Variants in SPOPL observed in about 807,000 individuals in gnomAD.
SPOPL encodes the protein speckle type BTB/POZ protein like.
SPOPL carries 23 observed loss-of-function variants against 53.8 expected under a neutral mutation model. The observed-to-expected ratio is 0.43, with a 90% CI of 0.31 to 0.61. The LOEUF is 0.61. SPOPL is among the 20% of genes least tolerant of loss of function. The pLI is 0.12. For synonymous variants in SPOPL, 164 were observed against 149.7 expected, an observed-to-expected ratio of 1.10 and a Z score of -0.70; for missense variants, 442 against 466.9, an observed-to-expected ratio of 0.95 and a Z score of 0.49.
chr2:138,506,081 G>A (rs906855050), intron 1 of SPOPL, among the ~76,000 whole-genome samples: 2 of 152,180 alleles, frequency 1.3e-5, no homozygotes, highest in Admixed American at 1.3e-4. Flanking sequence ...GAAGCCACCA[G>A]AGAATGTTAA....
chr2:138,525,521 A>G (rs1441159758), intron 1 of SPOPL, among the ~76,000 whole-genome samples: 1 of 152,008 alleles, frequency 6.6e-6, no homozygotes, highest in African/African-American at 2.4e-5. Flanking sequence ...GTGCTTTTTT[A>G]AAAATAGAAG....
chr2:138,515,815 T>C (rs1013755300), intron 1 of SPOPL, among the ~76,000 whole-genome samples: 2 of 152,196 alleles, frequency 1.3e-5, no homozygotes, highest in Non-Finnish European at 1.5e-5. Context: ...TGCCTAACTT[T>C]TTACAGCTAT....
chr2:138,539,111 G>A (rs1267158114), intron 1 of SPOPL, among the ~76,000 whole-genome samples: 8 of 152,188 alleles, frequency 5.3e-5, no homozygotes, highest in African/African-American at 1.7e-4. Flanking sequence ...AGTATTCCAT[G>A]TTGTATATGT....
At chr2:138,547,968 G>T (rs77096546) in intron 1 of SPOPL, among the ~76,000 whole-genome samples, 1,659 of 152,182 alleles carry the variant, frequency 0.011, 34 homozygotes, top group African/African-American at 0.038. Flanking sequence ...TGTATTAATA[G>T]TGCAGAAATA....
intron 1 of SPOPL, among the ~76,000 whole-genome samples, chr2:138,527,345 T>A (rs1684698261): frequency 6.6e-6 from 1 of 152,178 alleles, no homozygotes; most frequent in Admixed American, 6.5e-5. Flanking sequence ...ACCTGTCAGA[T>A]CAATACTGGA....
At chr2:138,526,019 C>T (rs2104868610) in intron 1 of SPOPL, among the ~76,000 whole-genome samples, 1 of 152,192 alleles carries the variant, frequency 6.6e-6, no homozygotes, top group East Asian at 1.9e-4. Context: ...ACCCATGTTT[C>T]TGAATCATAG....
At chr2:138,558,109 C>T (rs904340416) in intron 5 of SPOPL, among the ~76,000 whole-genome samples, 1 of 151,874 alleles carries the variant, frequency 6.6e-6, no homozygotes, top group African/African-American at 2.4e-5. Context: ...TGCAGTGAGC[C>T]GAGATCACTC....
At chr2:138,508,899 AC>A (rs562689814) in intron 1 of SPOPL, among the ~76,000 whole-genome samples, 2 of 152,180 alleles carry the variant, frequency 1.3e-5, no homozygotes, top group South Asian at 4.2e-4. Context: ...TATGGCTCTT[AC>A]AGGTACCCTT....
chr2:138,513,708 C>G (rs1340172652), intron 1 of SPOPL, among the ~76,000 whole-genome samples: 3 of 148,572 alleles, frequency 2.0e-5, no homozygotes, highest in Non-Finnish European at 4.4e-5. Flanking sequence ...TCACTGCGCT[C>G]CAGCCTAGGA....
At chr2:138,506,640 C>T (rs531280715) in intron 1 of SPOPL, among the ~76,000 whole-genome samples, 3 of 151,964 alleles carry the variant, frequency 2.0e-5, no homozygotes, top group Non-Finnish European at 2.9e-5. Flanking sequence ...GGGGGAGGAG[C>T]AGTTTTTTAT....
At chr2:138,556,952 C>T (rs34724499) in intron 5 of SPOPL, among the ~76,000 whole-genome samples, 2 of 151,878 alleles carry the variant, frequency 1.3e-5, no homozygotes, top group Admixed American at 6.6e-5. Context: ...GTCAAGAGAT[C>T]GAGACCATCC....
intron 1 of SPOPL, among the ~76,000 whole-genome samples, chr2:138,514,631 G>T (rs1377681788): frequency 6.6e-6 from 1 of 152,232 alleles, no homozygotes; most frequent in East Asian, 1.9e-4. Context: ...CCAGTTTGGG[G>T]CCGTCATGAA....
chr2:138,524,123 GTTCCCAAACTTCAATTCTTGAC>G (rs1684617780), intron 1 of SPOPL, among the ~76,000 whole-genome samples: 1 of 152,214 alleles, frequency 6.6e-6, no homozygotes, highest in East Asian at 1.9e-4. Flanking sequence ...CTAAGCAGAG[GTTCCCAAACTTCAATTCTTGAC>G]TTCTGTGCAC....
intron 1 of SPOPL, among the ~76,000 whole-genome samples, chr2:138,513,553 A>T (rs1684374341): frequency 6.6e-6 from 1 of 152,066 alleles, no homozygotes; most frequent in African/African-American, 2.4e-5. Flanking sequence ...CCATCTTAAA[A>T]AAATGATAAA....
chr2:138,508,266 A>T (rs1473705828), intron 1 of SPOPL, among the ~76,000 whole-genome samples: 2 of 152,244 alleles, frequency 1.3e-5, no homozygotes, highest in African/African-American at 4.8e-5. Context: ...TGGCAAGGGC[A>T]GGGTCTCATA....
At chr2:138,556,805 G>A (rs1388860926) in intron 5 of SPOPL, among the ~76,000 whole-genome samples, 1 of 152,114 alleles carries the variant, frequency 6.6e-6, no homozygotes, top group Non-Finnish European at 1.5e-5. Flanking sequence ...GGTCATAATT[G>A]TGTTAATTTT....
In SPOPL at chr2:138,541,947, C is replaced by T. The variant is rs569742986; in HGVS notation, c.-60-8210C>T. On this transcript the variant is annotated intron_variant, in intron 1 of 10. Transcript: ENST00000280098. ...TTCTGGTATGTTGTGTCTTTGTTCT[C>T]GTTGGTTTCAAAGAACATCCTTATT... 6.4e-4 allele frequency among the ~76,000 whole-genome samples: 97 copies of T among 152,126 alleles called. 3 individuals are homozygous for T. The South Asian group carries it at 0.019, about 29-fold the overall frequency.
chr2:138,535,539 A>G (rs1213039938), intron 1 of SPOPL, among the ~76,000 whole-genome samples: 1 of 131,492 alleles, frequency 7.6e-6, no homozygotes. Context: ...TTTTTTTTTA[A>G]TAGCCATTCT....
At chr2:138,539,791 T>A (rs1685026314) in intron 1 of SPOPL, among the ~76,000 whole-genome samples, 1 of 152,254 alleles carries the variant, frequency 6.6e-6, no homozygotes, top group African/African-American at 2.4e-5. Flanking sequence ...TTGTTGCCAT[T>A]GCTTTTGGTG....
Sources: allele counts gnomAD v4.1 joint callset (sites outside exome capture counted in the v4.1 genomes callset), GRCh38; gene constraint gnomAD v4.1.1; transcripts MANE v1.5; gene names NCBI Gene and HGNC (gene_info 2026-07-23, HGNC 2026-07-21).